Variants in COPS7B observed in about 807,000 individuals in gnomAD.
The protein encoded by COPS7B is COP9 signalosome complex subunit 7b.
Under a neutral mutation model 33.4 loss-of-function variants are expected in COPS7B, and 9 were observed. That is an observed-to-expected ratio of 0.27 (90% CI 0.16 to 0.47). The LOEUF is 0.47. Ranked by LOEUF, COPS7B falls within the 20% of genes least tolerant of loss-of-function variation. The pLI is 0.99. For synonymous variants in COPS7B, 119 were observed against 126.3 expected, an observed-to-expected ratio of 0.94 and a Z score of 0.39; for missense variants, 242 against 318.2, an observed-to-expected ratio of 0.76 and a Z score of 1.82.
intron 2 of COPS7B, 161 bp from the exon 3 acceptor site, chr2:231,791,572 C>G (rs976600817): frequency 1.7e-6 from 1 of 584,042 alleles, no homozygotes; most frequent in Non-Finnish European, 3.1e-6. Flanking sequence ...TATTTTTTCC[C>G]GAAGAACCAG....
At chr2:231,788,057 T>C (rs2049301207) in intron 1 of COPS7B, among the ~76,000 whole-genome samples, 1 of 152,116 alleles carries the variant, frequency 6.6e-6, no homozygotes, top group African/African-American at 2.4e-5. Flanking sequence ...AACACCAGAA[T>C]TTAGGACAAG....
intron 5 of COPS7B, 84 bp from the exon 6 acceptor site, chr2:231,798,775 G>T: frequency 9.2e-7 from 1 of 1,082,388 alleles, no homozygotes; most frequent in Non-Finnish European, 1.4e-6. Context: ...ATACTGGGGA[G>T]AGCTGTTGGG....
In COPS7B at chr2:231,805,584, C is replaced by T. The variant is rs558885020; in HGVS notation, c.637-1903C>T. Among the ~76,000 whole-genome samples, 4 of 151,670 alleles carry T rather than the reference C, an allele frequency of 2.6e-5. No individual in the cohort carries two copies. In the South Asian group the frequency reaches 8.3e-4, roughly 31 times the overall value. ...ACTTAAGTGATCCTCCTGCCTCAGC[C>T]TCCTGAATAGCTAGGACTATAGGCA... On this transcript the variant is annotated intron_variant, in intron 6 of 6. Transcript: ENST00000350033.
upstream of COPS7B, among the ~76,000 whole-genome samples, chr2:231,784,796 C>T (rs574040317): frequency 2.6e-5 from 4 of 152,264 alleles, no homozygotes; most frequent in African/African-American, 9.6e-5. Flanking sequence ...TTTTCATCCC[C>T]AATTGCCACT....
At chr2:231,800,680 AAC>A (rs1313699051) in intron 6 of COPS7B, among the ~76,000 whole-genome samples, 2 of 152,210 alleles carry the variant, frequency 1.3e-5, no homozygotes, top group Admixed American at 6.5e-5. Flanking sequence ...TGGTTATTTA[AAC>A]ACAGAGGGTG....
chr2:231,784,263 T>C (rs1198171426), upstream of COPS7B, among the ~76,000 whole-genome samples: 1 of 151,676 alleles, frequency 6.6e-6, no homozygotes, highest in Non-Finnish European at 1.5e-5. Context: ...GGAGGATCAC[T>C]TGAGATCAGG....
intron 2 of COPS7B, chr2:231,790,718 G>A (rs2049387428): frequency 6.6e-6 from 1 of 151,874 alleles, no homozygotes; most frequent in Non-Finnish European, 1.5e-5. Context: ...AGGGTAACAG[G>A]AGCACGTTTG....
chr2:231,805,068 A>G (rs1055050294), intron 6 of COPS7B, among the ~76,000 whole-genome samples: 2 of 152,200 alleles, frequency 1.3e-5, no homozygotes, highest in African/African-American at 2.4e-5. Context: ...GCATGATAGT[A>G]TGTGTCTGTA....
chr2:231,795,070 C>T (rs1259038228), intron 4 of COPS7B, among the ~76,000 whole-genome samples: 2 of 152,072 alleles, frequency 1.3e-5, no homozygotes, highest in Non-Finnish European at 2.9e-5. Context: ...CAGGCACCTG[C>T]CACCATGCCC....
At chr2:231,787,501 A>G (rs2049284913) in intron 1 of COPS7B, among the ~76,000 whole-genome samples, 1 of 151,996 alleles carries the variant, frequency 6.6e-6, no homozygotes, top group Non-Finnish European at 1.5e-5. Context: ...ACCCTCCTGT[A>G]CTTAATGTCT....
rs989625664 is a variant in COPS7B at position 231,805,276 on chromosome 2, C to T, written c.637-2211C>T. Among the ~76,000 whole-genome samples the T allele has an allele frequency of 4.9e-4, 75 of 152,012 alleles. 1 individual carries two copies. Among genetic ancestry groups the T allele is most frequent in the African/African-American group, 1.7e-3 (72 of 41,394 alleles). On this transcript the variant is annotated intron_variant, in intron 6 of 6. Coordinates refer to ENST00000350033, the MANE Select transcript of COPS7B (RefSeq NM_022730.4). ...TCACTCACCACCTTGCCAGGTGACTCACTGAATGAGGTACACCAAAGTGGC... is the reference window on the plus strand; with the variant it reads ...TCACTCACCACCTTGCCAGGTGACTTACTGAATGAGGTACACCAAAGTGGC...
intron 1 of COPS7B, among the ~76,000 whole-genome samples, chr2:231,786,899 C>T (rs2049264203): frequency 6.6e-6 from 1 of 152,258 alleles, no homozygotes; most frequent in South Asian, 2.1e-4. Flanking sequence ...AAGAAAGCGA[C>T]TGTCTCCGTC....
chr2:231,791,682 A>G (rs978104815), intron 2 of COPS7B, 51 bp from the exon 3 acceptor site: 2 of 1,481,688 alleles, frequency 1.3e-6, no homozygotes, highest in African/African-American at 2.8e-5. Context: ...TGAACACTAC[A>G]GTGATTGGTA....
At chr2:231,802,087 A>T (rs2049767334) in intron 6 of COPS7B, among the ~76,000 whole-genome samples, 1 of 151,986 alleles carries the variant, frequency 6.6e-6, no homozygotes, top group Non-Finnish European at 1.5e-5. Flanking sequence ...ATTTTTCTTT[A>T]TATTTGGATG....
At chr2:231,797,368 G>A (rs1158593167) in intron 5 of COPS7B, among the ~76,000 whole-genome samples, 1 of 152,140 alleles carries the variant, frequency 6.6e-6, no homozygotes, top group Non-Finnish European at 1.5e-5. Flanking sequence ...TACAACATCT[G>A]CCACAAGTGG....
intron 6 of COPS7B, among the ~76,000 whole-genome samples, chr2:231,800,196 G>A (rs1041864734): frequency 2.6e-5 from 4 of 152,336 alleles, no homozygotes; most frequent in Admixed American, 2.6e-4. Flanking sequence ...TTGAGAGACC[G>A]AGGAGGAAGT....
At chr2:231,796,765 C>T (rs534115026) in intron 5 of COPS7B, among the ~76,000 whole-genome samples, 130 of 152,308 alleles carry the variant, frequency 8.5e-4, no homozygotes, top group African/African-American at 2.9e-3. Flanking sequence ...AAAGAACTTA[C>T]GTTCAAAATC....
At chr2:231,794,965 G>A (rs903393849) in intron 4 of COPS7B, among the ~76,000 whole-genome samples, 2 of 147,544 alleles carry the variant, frequency 1.4e-5, no homozygotes, top group East Asian at 2.0e-4. Context: ...TGTTGCCTGC[G>A]CTGGAGTGCA....
At chr2:231,796,043 A>T in intron 4 of COPS7B, 63 bp from the exon 5 acceptor site, 2 of 1,425,166 alleles carry the variant, frequency 1.4e-6, no homozygotes, top group South Asian at 2.3e-5. Flanking sequence ...TGGGAGTAAT[A>T]CCTGCATTTT....
Sources: allele counts gnomAD v4.1 joint callset (sites outside exome capture counted in the v4.1 genomes callset), GRCh38; gene constraint gnomAD v4.1.1; transcripts MANE v1.5; gene names NCBI Gene and HGNC (gene_info 2026-07-23, HGNC 2026-07-21).